The following TAX1BP1 variants were observed in gnomAD, a reference collection of about 807,000 sequenced individuals.
The protein encoded by TAX1BP1 is Tax1 binding protein 1, also known as tax1-binding protein 1.
A neutral mutation model predicts 97.7 loss-of-function variants in TAX1BP1; 62 were observed. The observed-to-expected ratio is 0.63, with a 90% confidence interval of 0.52 to 0.78. The LOEUF (loss-of-function observed/expected upper bound fraction) is 0.78, where lower values mean the gene tolerates loss of function less well. Among genes scored for constraint, TAX1BP1 ranks in the 30% least tolerant of loss-of-function variants. The probability of loss-of-function intolerance (pLI) is 0.00; values close to 1 mark genes in which losing one functional copy is unlikely to be tolerated. For missense variants in TAX1BP1, 867 were observed against 916.1 expected, an observed-to-expected ratio of 0.95 and a Z score of 0.69; for synonymous variants, 340 against 304.2, an observed-to-expected ratio of 1.12 and a Z score of -1.23.
At chr7:27,774,501 A>G (rs550404237) in intron 5 of TAX1BP1, among the ~76,000 whole-genome samples, 160 of 152,246 alleles carry the variant, frequency 1.1e-3, no homozygotes, top group African/African-American at 3.7e-3. Context: ...TCAAGTATTT[A>G]TGGAATAAAT....
chr7:27,791,055 C>T (rs959853553), intron 8 of TAX1BP1, among the ~76,000 whole-genome samples: 4 of 151,806 alleles, frequency 2.6e-5, no homozygotes, highest in African/African-American at 9.7e-5. Context: ...ATTATTATAC[C>T]TTTCTTGAAT....
intron 5 of TAX1BP1, among the ~76,000 whole-genome samples, chr7:27,783,121 GC>G (rs1311577371): frequency 6.6e-6 from 1 of 152,030 alleles, no homozygotes; most frequent in African/African-American, 2.4e-5. Flanking sequence ...ATCTCCCTTT[GC>G]CCCAATTTTT....
At chr7:27,802,370 G>A (rs922122173) in intron 13 of TAX1BP1, among the ~76,000 whole-genome samples, 2 of 152,192 alleles carry the variant, frequency 1.3e-5, no homozygotes, top group African/African-American at 4.8e-5. Context: ...TACCTTCCCT[G>A]ATCACCTGCC....
At chr7:27,760,056 G>A (rs1228643161) in intron 3 of TAX1BP1, among the ~76,000 whole-genome samples, 1 of 152,000 alleles carries the variant, frequency 6.6e-6, no homozygotes, top group African/African-American at 2.4e-5. Context: ...GTTTTGCCAT[G>A]TTGGCCAGGC....
intron 13 of TAX1BP1, among the ~76,000 whole-genome samples, chr7:27,800,739 A>G (rs1472682742): frequency 6.6e-6 from 1 of 152,152 alleles, no homozygotes; most frequent in Non-Finnish European, 1.5e-5. Flanking sequence ...TGTAATCTTA[A>G]CTGATGAAAA....
At position 27,788,203 on chromosome 7, in the gene TAX1BP1, C is replaced by T. The variant is rs199868066; in HGVS notation, c.1038+600C>T. Among the ~76,000 whole-genome samples, 5 of 152,122 alleles carry T rather than the reference C, an allele frequency of 3.3e-5. No individual in the cohort carries two copies. In the East Asian group the frequency reaches 9.6e-4, roughly 29 times the overall value. ...TTCTCATGACTAGATTCAGGTGAGA[C>T]ATTTTTGCAAGAAAAGACATAGATG... On this transcript the variant is annotated intron_variant, in intron 8 of 16. Transcript: ENST00000396319.
intron 9 of TAX1BP1, among the ~76,000 whole-genome samples, chr7:27,792,535 T>G (rs1789759275): frequency 6.6e-6 from 1 of 152,178 alleles, no homozygotes; most frequent in South Asian, 2.1e-4. Context: ...AGTATTATGG[T>G]TGTTTAAGGG....
intron 13 of TAX1BP1, 81 bp downstream of exon 13, chr7:27,800,171 G>T: frequency 3.9e-6 from 5 of 1,278,246 alleles, no homozygotes; most frequent in Non-Finnish European, 5.2e-6. Flanking sequence ...TCAATCTAAT[G>T]TACATTTTAA....
chr7:27,790,248 C>T (rs1361781361), intron 8 of TAX1BP1, among the ~76,000 whole-genome samples: 4 of 151,780 alleles, frequency 2.6e-5, no homozygotes, highest in African/African-American at 9.7e-5. Context: ...TAACAACTGC[C>T]TAGTATTTCT....
At chr7:27,745,252 C>T (rs1232449152) in intron 1 of TAX1BP1, among the ~76,000 whole-genome samples, 1 of 152,174 alleles carries the variant, frequency 6.6e-6, no homozygotes, top group African/African-American at 2.4e-5. Context: ...TGAAGCTACA[C>T]TTCCCAGGCA....
At chr7:27,764,819 GTC>G (rs1788560337) in intron 3 of TAX1BP1, among the ~76,000 whole-genome samples, 1 of 151,108 alleles carries the variant, frequency 6.6e-6, no homozygotes. Context: ...GTGAAATAAA[GTC>G]TAATACCATA....
chr7:27,795,465 C>A (rs1027897584), intron 11 of TAX1BP1, among the ~76,000 whole-genome samples: 3 of 152,042 alleles, frequency 2.0e-5, no homozygotes, highest in African/African-American at 7.2e-5. Flanking sequence ...AGAGAATTCT[C>A]AGAGTATGGT....
At chr7:27,779,237 AC>A (rs1789152422) in intron 5 of TAX1BP1, among the ~76,000 whole-genome samples, 1 of 151,826 alleles carries the variant, frequency 6.6e-6, no homozygotes, top group Non-Finnish European at 1.5e-5. Flanking sequence ...CCATCCTCTC[AC>A]CCCAGCCTCT....
At chr7:27,800,981 A>G (rs6462048) in intron 13 of TAX1BP1, among the ~76,000 whole-genome samples, 112,729 of 151,692 alleles carry the variant, frequency 0.74, 42,368 homozygotes, top group African/African-American at 0.84. Flanking sequence ...GTGGGCACCT[A>G]TAATCCCAGT....
intron 14 of TAX1BP1, 98 bp from the exon 15 acceptor site, chr7:27,816,792 C>G: frequency 2.1e-6 from 3 of 1,438,780 alleles, no homozygotes; most frequent in Non-Finnish European, 2.8e-6. Context: ...TTTTCACATG[C>G]CAAAGTGGTT....
intron 15 of TAX1BP1, among the ~76,000 whole-genome samples, chr7:27,819,601 CTTACGATGGGGT>C (rs1357053811): frequency 1.3e-5 from 2 of 152,160 alleles, no homozygotes; most frequent in African/African-American, 4.8e-5. Flanking sequence ...TGCTCCTCAA[CTTACGATGGGGT>C]TACATCCTGA....
In TAX1BP1 at chr7:27,816,466, A is replaced by G. The variant is rs765584617; in HGVS notation, c.1882A>G (p.Asn628Asp). The change falls in exon 14 of 17, where the codon AAT becomes GAT. Residue 628 changes from asparagine (N) to aspartate (D), a missense_variant. Physicochemically the swap from Asn to Asp is conservative, Grantham distance 23 (BLOSUM62 1). This residue lies in a region of TAX1BP1 where 822 missense variants were observed against 851.4 expected (regional missense o/e 0.97). Transcript: ENST00000396319. ...EQNGYVLTLS[N>D]AQPVLQYGNP... The stretch of plus-strand genomic sequence containing the variant: ...AAATGGTTATGTTCTCACATTGTCA[A>G]ATGCACAACCAGTTCTGCAATATGG... 1.9e-6 allele frequency: 3 copies of G among 1,564,988 alleles called. No individual in the cohort carries two copies. Among genetic ancestry groups the G allele is most frequent in the South Asian group, 2.5e-5 (2 of 80,890 alleles).
intron 5 of TAX1BP1, among the ~76,000 whole-genome samples, chr7:27,773,539 G>A (rs1193624364): frequency 6.6e-6 from 1 of 151,940 alleles, no homozygotes; most frequent in Admixed American, 6.6e-5. Flanking sequence ...TCACATGAAT[G>A]GAATCATATA....
At chr7:27,753,604 T>C (rs1348191620) in intron 2 of TAX1BP1, among the ~76,000 whole-genome samples, 1 of 152,186 alleles carries the variant, frequency 6.6e-6, no homozygotes, top group Admixed American at 6.5e-5. Context: ...TATGATAAAG[T>C]TTAATTTATA....
Sources: allele counts gnomAD v4.1 joint callset (sites outside exome capture counted in the v4.1 genomes callset), GRCh38; gene constraint gnomAD v4.1.1; regional missense constraint gnomAD v4.1.1; transcripts MANE v1.5; gene names NCBI Gene and HGNC (gene_info 2026-07-23, HGNC 2026-07-21).